Variants in EDEM3 observed in about 807,000 individuals in gnomAD.
The protein encoded by EDEM3 is ER degradation enhancing alpha-mannosidase like protein 3, also known as ER degradation-enhancing alpha-mannosidase-like protein 3.
A neutral mutation model predicts 110.2 loss-of-function variants in EDEM3; 60 were observed. The ratio of observed to expected loss-of-function variants is 0.54; its 90% confidence interval spans 0.44 to 0.67. The LOEUF is 0.67. Ranked by LOEUF, EDEM3 falls within the 30% of genes least tolerant of loss-of-function variation. The probability of loss-of-function intolerance (pLI) is 0.00; values close to 1 mark genes in which losing one functional copy is unlikely to be tolerated. For synonymous variants in EDEM3, 352 were observed against 382.9 expected (o/e 0.92, Z 0.94); for missense variants, 996 against 1,121.0 (o/e 0.89, Z 1.59).
At position 184,717,555 on chromosome 1, in the gene EDEM3, G is replaced by A. The variant is rs765886649; in HGVS notation, c.1230C>T (p.Thr410=). 6.2e-7 allele frequency: 1 copy of A among 1,607,320 alleles called. No homozygotes were observed. The highest frequency in any genetic ancestry group is 1.3e-5 in the African/African-American group (1 of 74,634). The change falls in exon 12 of 20, where the codon ACC becomes ACT. Residue 410 remains threonine (T), a synonymous_variant. Coordinates refer to ENST00000318130, the MANE Select transcript of EDEM3 (RefSeq NM_025191.4). Reference sequence around the variant, plus strand: ...ATTTTCTTACTTTATATAAGAAGTAGGTACTTTCTGCAAATTCTGGCCTTA... The same window carrying A: ...ATTTTCTTACTTTATATAAGAAGTAAGTACTTTCTGCAAATTCTGGCCTTA... The part of the protein sequence containing the change: ...HPLRPEFAES[T]YFLYKATGDP...
chr1:184,739,415 T>A (rs1571412093), intron 2 of EDEM3, among the ~76,000 whole-genome samples: 2 of 150,846 alleles, frequency 1.3e-5, no homozygotes, highest in African/African-American at 4.8e-5. Context: ...ACCATTATTT[T>A]ATTATATAAA....
Position 184,694,227 on chromosome 1 carries a change from C to G in EDEM3, c.2635G>C (p.Glu879Gln), listed in dbSNP as rs1053759294. 1 of 1,613,286 alleles carries G rather than the reference C, an allele frequency of 6.2e-7. No individual in the cohort carries two copies. The highest frequency in any genetic ancestry group is 1.3e-5 in the African/African-American group (1 of 74,868). ...AGCTGGTTATCTAAATCTGTACATTCACCATTAAGATTTGTAGTCTCATGG... is the reference window on the plus strand; with the variant it reads ...AGCTGGTTATCTAAATCTGTACATTGACCATTAAGATTTGTAGTCTCATGG... ...ENHETTNLNG[E>Q]CTDLDNQLQE... Residue 879 changes from glutamate to glutamine, a missense_variant, in exon 20 of 20, where the codon GAA becomes CAA. Glu to Gln is a conservative substitution (Grantham distance 29). Coordinates refer to ENST00000318130, the MANE Select transcript of EDEM3 (RefSeq NM_025191.4).
intron 18 of EDEM3, among the ~76,000 whole-genome samples, chr1:184,703,834 A>G (rs1649763772): frequency 6.6e-6 from 1 of 152,222 alleles, no homozygotes; most frequent in Admixed American, 6.5e-5. Context: ...GCACACAGAA[A>G]GACTGTTTCA....
Position 184,692,240 on chromosome 1 carries a change from C to T in EDEM3, c.*1823G>A, listed in dbSNP as rs543487840. On this transcript the variant is annotated 3_prime_UTR_variant, in exon 20 of 20. Coordinates refer to ENST00000318130, the MANE Select transcript of EDEM3 (RefSeq NM_025191.4). ...AGCACTATATCTATCCTTCCATATA[C>T]TGTATATATTATAGTTCTATCTTGT... 1 of 152,174 alleles carries T rather than the reference C, an allele frequency of 6.6e-6. No individual in the cohort carries two copies. Among genetic ancestry groups the T allele is most frequent in the East Asian group, 1.9e-4 (1 of 5,184 alleles). 9.4% of individuals were successfully genotyped at this position (152,174 alleles called of 1,614,324 possible). A position where few individuals can be genotyped will look rare whatever the true frequency, so the allele number is the denominator to read the frequency against.
chr1:184,724,966 G>A (rs960889666), intron 7 of EDEM3, among the ~76,000 whole-genome samples: 1 of 152,236 alleles, frequency 6.6e-6, no homozygotes, highest in African/African-American at 2.4e-5. Context: ...CACAGTAAAT[G>A]GCACAATTAC....
Position 184,694,193 on chromosome 1 carries a change from T to G in EDEM3, c.2669A>C (p.Gln890Pro). Residue 890 changes from glutamine to proline, a missense_variant, in exon 20 of 20, where the codon CAA (glutamine) becomes CCA (proline). Gln to Pro is a moderately conservative substitution (Grantham distance 76). Coordinates refer to ENST00000318130, the MANE Select transcript of EDEM3 (RefSeq NM_025191.4). ...ATTGGAATCTTCCTCAGTTTCTGAT[T>G]GTTCTTGAAGCTGGTTATCTAAATC... ...CTDLDNQLQE[Q>P]SETEEDSNPN... 3.1e-6 allele frequency: 5 copies of G among 1,613,506 alleles called. No individual in the cohort carries two copies. Among genetic ancestry groups the G allele is most frequent in the Non-Finnish European group, 4.2e-6 (5 of 1,179,650 alleles).
chr1:184,751,687 T>C (rs1024503143), intron 1 of EDEM3, among the ~76,000 whole-genome samples: 2 of 152,178 alleles, frequency 1.3e-5, no homozygotes, highest in Non-Finnish European at 2.9e-5. Flanking sequence ...AAAAACTGGA[T>C]TAAAATGTAT....
At chr1:184,742,130 C>T (rs1162579412) in intron 2 of EDEM3, among the ~76,000 whole-genome samples, 2 of 151,840 alleles carry the variant, frequency 1.3e-5, no homozygotes, top group Non-Finnish European at 2.9e-5. Flanking sequence ...TGGCCAGGAA[C>T]ACTAAACACA....
rs1649133217 is a variant in EDEM3, at chr1:184,693,038, A to T, written c.*1025T>A. On this transcript the variant is annotated 3_prime_UTR_variant, in exon 20 of 20. Transcript: ENST00000318130. ...TTACTCCAGGAATTTTAACTCACTA[A>T]CCACAGTTCTATCATGGCTCTGTAA... is the stretch of plus-strand genomic sequence containing the variant. 6.5e-6 allele frequency: 1 copy of T among 154,790 alleles called. No homozygotes were observed. Among genetic ancestry groups the T allele is most frequent in the Non-Finnish European group, 1.5e-5 (1 of 68,188 alleles). The allele number at this position is 154,790 out of a possible 1,614,324, so 9.6% of individuals were successfully genotyped here.
chr1:184,728,603 CTT>C (rs60576808), intron 6 of EDEM3, among the ~76,000 whole-genome samples: 1 of 144,122 alleles, frequency 6.9e-6, no homozygotes, highest in African/African-American at 2.5e-5. Flanking sequence ...TATTAAACAA[CTT>C]TTTTTTTTTT....
chr1:184,740,458 T>G (rs1652074412), intron 2 of EDEM3, among the ~76,000 whole-genome samples: 1 of 152,226 alleles, frequency 6.6e-6, no homozygotes, highest in South Asian at 2.1e-4. Context: ...TGCTAGCTCT[T>G]TAGTCCACAA....
intron 13 of EDEM3, among the ~76,000 whole-genome samples, chr1:184,714,122 A>G (rs1650413199): frequency 6.6e-6 from 1 of 152,202 alleles, no homozygotes; most frequent in African/African-American, 2.4e-5. Flanking sequence ...CTATCTTGAG[A>G]ACTGCAGACA....
At position 184,754,684 on chromosome 1, in the gene EDEM3, G is replaced by A. The variant is rs879084944; in HGVS notation, c.-38C>T. On this transcript the variant is annotated 5_prime_UTR_variant, in exon 1 of 20. Transcript: ENST00000318130. Reference sequence around the variant, plus strand: ...CCGCGCACGCGCAGCTGCTACGCCCGGCCGGTGAGACACATTGCTGGACGC... The same window carrying A: ...CCGCGCACGCGCAGCTGCTACGCCCAGCCGGTGAGACACATTGCTGGACGC... The A allele has an allele frequency of 2.0e-6, 3 of 1,501,998 alleles. No homozygotes were observed. Among genetic ancestry groups the A allele is most frequent in the East Asian group, 2.5e-5 (1 of 39,744 alleles). The allele number at this position is 1,501,998 out of a possible 1,614,324, so 93.0% of individuals were successfully genotyped here.
Position 184,691,161 on chromosome 1 carries a change from G to T in EDEM3, c.*2902C>A, listed in dbSNP as rs912740546. 3 of 152,340 alleles carry T rather than the reference G, an allele frequency of 2.0e-5. No individual in the cohort carries two copies. Among genetic ancestry groups the T allele is most frequent in the Admixed American group, 6.6e-5 (1 of 15,252 alleles). The allele number at this position is 152,340 out of a possible 1,614,324, so 9.4% of individuals were successfully genotyped here. A position where few individuals can be genotyped will look rare whatever the true frequency, so the allele number is the denominator to read the frequency against. ...ATTATACTCTTTTTGGAAGCCTATT[G>T]CAATTTAAGAAGAAAAAAGAAAACT... is the stretch of plus-strand genomic sequence containing the variant. On this transcript the variant is annotated 3_prime_UTR_variant, in exon 20 of 20. Coordinates refer to ENST00000318130, the MANE Select transcript of EDEM3 (RefSeq NM_025191.4).
chr1:184,698,382 G>A (rs1266664234), intron 19 of EDEM3, among the ~76,000 whole-genome samples: 6 of 151,832 alleles, frequency 4.0e-5, no homozygotes, highest in African/African-American at 1.2e-4. Flanking sequence ...TAATTTGGAC[G>A]CCTAATAGTG....
At chr1:184,703,159 T>C (rs1159670040) in intron 18 of EDEM3, among the ~76,000 whole-genome samples, 163 bp from the exon 19 acceptor site, 1 of 152,098 alleles carries the variant, frequency 6.6e-6, no homozygotes. Context: ...TAGAAACGTA[T>C]CCAAAGGAAA....
At position 184,754,683 on chromosome 1, in the gene EDEM3, C is replaced by T. The variant is rs1466412995; in HGVS notation, c.-37G>A. On this transcript the variant is annotated 5_prime_UTR_variant, in exon 1 of 20. Transcript: ENST00000318130. ...TCCGCGCACGCGCAGCTGCTACGCC[C>T]GGCCGGTGAGACACATTGCTGGACG... 14 of 1,502,902 alleles carry T rather than the reference C, an allele frequency of 9.3e-6. No homozygotes were observed. The highest frequency in any genetic ancestry group is 1.2e-5 in the Non-Finnish European group (13 of 1,128,096). The allele number at this position is 1,502,902 out of a possible 1,614,324, so 93.1% of individuals were successfully genotyped here.
At chr1:184,701,680 G>T in intron 19 of EDEM3, 1 of 465,964 alleles carries the variant, frequency 2.1e-6, no homozygotes, top group South Asian at 2.3e-5. Flanking sequence ...TTTAGAAAAG[G>T]GCCCAGGAAA....
chr1:184,698,159 C>G (rs1034329445), intron 19 of EDEM3, among the ~76,000 whole-genome samples: 2 of 151,724 alleles, frequency 1.3e-5, no homozygotes, highest in African/African-American at 2.4e-5. Context: ...AACATGTACT[C>G]TCATATCTTG....
Sources: gnomAD v4.1 joint callset for allele counts (sites outside exome capture counted in the v4.1 genomes callset) on GRCh38, gnomAD v4.1.1 for gene constraint, MANE v1.5 for transcripts, NCBI Gene and HGNC (gene_info 2026-07-23, HGNC 2026-07-21) for gene names.